Variants in RANBP17 observed in about 807,000 individuals in gnomAD.
The protein encoded by RANBP17 is RAN binding protein 17.
Under a neutral mutation model 141.2 loss-of-function variants are expected in RANBP17, and 158 were observed. The observed-to-expected ratio is 1.12, with a 90% CI of 0.98 to 1.28. The LOEUF (loss-of-function observed/expected upper bound fraction) is 1.28. Among genes scored for constraint, RANBP17 ranks in the 50% most tolerant of loss-of-function variants. The pLI, the probability that RANBP17 is intolerant of heterozygous loss-of-function variation, is 0.00. For missense variants in RANBP17, 1,438 were observed against 1,290.7 expected (o/e 1.11, Z -1.75); for synonymous variants, 430 against 450.0 (o/e 0.96, Z 0.56).
Position 171,183,174 on chromosome 5 carries a change from CT to C in RANBP17, c.1877del (p.Leu626Ter). 6.5e-7 allele frequency: 1 copy of C among 1,530,708 alleles called. No homozygotes were observed. Among genetic ancestry groups the C allele is most frequent in the Non-Finnish European group, 9.1e-7 (1 of 1,104,586 alleles). 94.8% of individuals were successfully genotyped at this position (1,530,708 alleles called of 1,614,324 possible). A position where few individuals can be genotyped will look rare whatever the true frequency, so the allele number is the denominator to read the frequency against. ...TTCCTTAACTTCTATTACTTATATC[CT>C]TTTAAAAAAACTTGTGAAGATAGAT... ...FLNDLSVGYI[L>X]LKKLVKIDAV... On this transcript the variant is annotated frameshift_variant, in exon 17 of 28. Coordinates refer to ENST00000523189, the MANE Select transcript of RANBP17 (RefSeq NM_022897.5). LOFTEE classifies it high-confidence loss of function.
intron 13 of RANBP17, among the ~76,000 whole-genome samples, chr5:170,967,757 CT>C (rs1007518700): frequency 6.6e-6 from 1 of 151,490 alleles, no homozygotes; most frequent in Non-Finnish European, 1.5e-5. Context: ...CAGGATATAA[CT>C]TTTGTTAGAT....
intron 25 of RANBP17, among the ~76,000 whole-genome samples, chr5:171,267,521 ATGT>A: frequency 6.6e-6 from 1 of 152,130 alleles, no homozygotes; most frequent in South Asian, 2.1e-4. Context: ...TCATCAGAAA[ATGT>A]TGGCCGGGCG....
At chr5:171,181,528 A>C (rs1222847752) in intron 16 of RANBP17, among the ~76,000 whole-genome samples, 1 of 152,156 alleles carries the variant, frequency 6.6e-6, no homozygotes, top group Non-Finnish European at 1.5e-5. Context: ...CCATGGATGT[A>C]GTCCCTGCCC....
Position 171,297,855 on chromosome 5 carries a change from T to A in RANBP17, c.3171-907T>A, listed in dbSNP as rs1768917169. Among the ~76,000 whole-genome samples, 3 of 127,632 alleles carry A rather than the reference T, an allele frequency of 2.4e-5. No homozygotes were observed. The East Asian group carries it at 6.6e-4, about 28-fold the overall frequency. The allele number at this position is 127,632 out of a possible 152,430, so 83.7% of individuals were successfully genotyped here. A position where few individuals can be genotyped will look rare whatever the true frequency, so the allele number is the denominator to read the frequency against. ...ACTGACCCAATAAATTCTTTTTTTT[T>A]TTTTTTTTTTTTTTTTTTGAGACAG... is the stretch of plus-strand genomic sequence containing the variant. On this transcript the variant is annotated intron_variant, in intron 27 of 27. Coordinates refer to ENST00000523189, the MANE Select transcript of RANBP17 (RefSeq NM_022897.5).
In RANBP17 at chr5:171,295,919, C is replaced by A. The variant is rs1768787930; in HGVS notation, c.3075C>A (p.Asn1025Lys). The change falls in exon 27 of 28, where the codon AAC (asparagine) becomes AAA (lysine). Residue 1025 changes from asparagine to lysine, a missense_variant. Physicochemically the swap from Asn to Lys is moderately conservative, Grantham distance 94. Coordinates refer to ENST00000523189, the MANE Select transcript of RANBP17 (RefSeq NM_022897.5). ...GTGAACTGAGAGCAAGTTTGATAAACAGCCAGCCCCTCCCCAAGCAGGAGG... is the reference window on the plus strand; with the variant it reads ...GTGAACTGAGAGCAAGTTTGATAAAAAGCCAGCCCCTCCCCAAGCAGGAGG... ...YFSELRASLI[N>K]SQPLPKQEVL... 1 of 1,613,638 alleles carries A rather than the reference C, an allele frequency of 6.2e-7. No individual in the cohort carries two copies. Among genetic ancestry groups the A allele is most frequent in the Non-Finnish European group, 8.5e-7 (1 of 1,179,754 alleles).
intron 14 of RANBP17, among the ~76,000 whole-genome samples, chr5:171,005,443 A>T (rs899800130): frequency 6.6e-6 from 1 of 152,238 alleles, no homozygotes; most frequent in Non-Finnish European, 1.5e-5. Flanking sequence ...AATGCCGCAT[A>T]TCTACAACTA....
Position 170,895,705 on chromosome 5 carries a change from C to A in RANBP17, c.424-345C>A, listed in dbSNP as rs551756231. Among the ~76,000 whole-genome samples the A allele has an allele frequency of 2.0e-5, 3 of 152,140 alleles. No individual in the cohort carries two copies. The South Asian group carries it at 6.2e-4, about 32-fold the overall frequency. ...TTTTTTGCTTATTCTTATTCTTGGT[C>A]TTATAAAAGGTATTAAGCTAAATTC... is the stretch of plus-strand genomic sequence containing the variant. On this transcript the variant is annotated intron_variant, in intron 4 of 27. Coordinates refer to ENST00000523189, the MANE Select transcript of RANBP17 (RefSeq NM_022897.5).
chr5:170,947,898 C>G (rs1774890491), intron 12 of RANBP17, among the ~76,000 whole-genome samples: 2 of 152,126 alleles, frequency 1.3e-5, no homozygotes, highest in South Asian at 4.1e-4. Flanking sequence ...AGGCACAGTA[C>G]TAGGATGGCG....
At chr5:171,139,916 C>G (rs895354795) in intron 14 of RANBP17, among the ~76,000 whole-genome samples, 1 of 152,270 alleles carries the variant, frequency 6.6e-6, no homozygotes, top group Non-Finnish European at 1.5e-5. Flanking sequence ...CTCAATTTTC[C>G]CCTTTAACTT....
chr5:171,195,458 G>A (rs959075076), intron 18 of RANBP17, among the ~76,000 whole-genome samples: 3 of 152,172 alleles, frequency 2.0e-5, no homozygotes, highest in South Asian at 2.1e-4. Context: ...AACATTTCAC[G>A]TTGCAATCAC....
chr5:170,924,921 T>A (rs2127446934), intron 12 of RANBP17: 1 of 156,752 alleles, frequency 6.4e-6, no homozygotes, highest in South Asian at 2.0e-4. Flanking sequence ...ATATAATATA[T>A]CATTGTGATT....
chr5:171,019,137 T>C (rs1167176266), intron 14 of RANBP17, among the ~76,000 whole-genome samples: 1 of 152,226 alleles, frequency 6.6e-6, no homozygotes, highest in East Asian at 1.9e-4. Context: ...AGTTTTTTGA[T>C]GTGCTGCTGG....
rs537424165 is a variant in RANBP17 at position 170,894,370 on chromosome 5, T to A, written c.424-1680T>A. ...CTCTTTAGTGGCCAGTAAGCTCAAC[T>A]TAAGTTGGGATTCAATGTACCTTTA... is the stretch of plus-strand genomic sequence containing the variant. On this transcript the variant is annotated intron_variant, in intron 4 of 27. Coordinates refer to ENST00000523189, the MANE Select transcript of RANBP17 (RefSeq NM_022897.5). Among the ~76,000 whole-genome samples, 309 of 151,964 alleles carry A rather than the reference T, an allele frequency of 2.0e-3. 2 individuals are homozygous for A. The highest frequency in any genetic ancestry group is 6.8e-3 in the Middle Eastern group (2 of 294).
chr5:170,897,288 G>A, intron 5 of RANBP17: 1 of 627,272 alleles, frequency 1.6e-6, no homozygotes, highest in Admixed American at 1.8e-5. Flanking sequence ...TGCTTGCAGT[G>A]TTTCTTTATA....
intron 12 of RANBP17, among the ~76,000 whole-genome samples, chr5:170,925,943 CTTG>C (rs1239957987): frequency 1.3e-5 from 2 of 152,114 alleles, no homozygotes; most frequent in East Asian, 3.8e-4. Flanking sequence ...TGTGCATTCT[CTTG>C]TTAATAGGTA....
intron 14 of RANBP17, among the ~76,000 whole-genome samples, chr5:171,098,427 A>C (rs1212739532): frequency 6.6e-6 from 1 of 152,100 alleles, no homozygotes; most frequent in East Asian, 1.9e-4. Flanking sequence ...TGGCCACATA[A>C]ATTTCTTCTT....
intron 14 of RANBP17, among the ~76,000 whole-genome samples, chr5:171,159,226 C>T (rs1311456757): frequency 6.6e-6 from 1 of 152,114 alleles, no homozygotes; most frequent in Non-Finnish European, 1.5e-5. Context: ...ATCACATTGG[C>T]TATGTATGTA....
intron 14 of RANBP17, among the ~76,000 whole-genome samples, chr5:171,081,037 T>A (rs926244223): frequency 2.0e-5 from 3 of 152,194 alleles, no homozygotes; most frequent in Admixed American, 6.5e-5. Context: ...TTGACCCCAC[T>A]TTATAGATGA....
intron 14 of RANBP17, among the ~76,000 whole-genome samples, chr5:170,995,413 T>A (rs1236451267): frequency 6.6e-6 from 1 of 152,154 alleles, no homozygotes; most frequent in East Asian, 1.9e-4. Context: ...TACTTTTCTT[T>A]CCTGTTTTGA....
Sources: allele counts gnomAD v4.1 joint callset (sites outside exome capture counted in the v4.1 genomes callset), GRCh38; gene constraint gnomAD v4.1.1; transcripts MANE v1.5; gene names NCBI Gene and HGNC (gene_info 2026-07-23, HGNC 2026-07-21).